Variants in PALM2AKAP2 observed in about 807,000 individuals in gnomAD.
The protein encoded by PALM2AKAP2 is PALM2 and AKAP2 fusion, also known as PALM2-AKAP2 fusion protein.
A neutral mutation model predicts 71.5 loss-of-function variants in PALM2AKAP2; 37 were observed. That is an observed-to-expected ratio of 0.52 (90% CI 0.40 to 0.68). The LOEUF (loss-of-function observed/expected upper bound fraction) is 0.68, where lower values mean the gene tolerates loss of function less well. Among genes scored for constraint, PALM2AKAP2 ranks in the 30% least tolerant of loss-of-function variants. PALM2AKAP2 has a pLI of 0.00. For synonymous variants in PALM2AKAP2, 468 were observed against 478.8 expected, an observed-to-expected ratio of 0.98 and a Z score of 0.29; for missense variants, 1,224 against 1,191.8, an observed-to-expected ratio of 1.03 and a Z score of -0.40.
chr9:109,725,592 C>G (rs1458930439), intron 1 of PALM2AKAP2, among the ~76,000 whole-genome samples: 1 of 152,098 alleles, frequency 6.6e-6, no homozygotes, highest in Non-Finnish European at 1.5e-5. Flanking sequence ...AAGTTGTAAA[C>G]TATCATTAAG....
chr9:109,860,169 G>A (rs774964325), intron 1 of PALM2AKAP2, among the ~76,000 whole-genome samples: 2 of 152,188 alleles, frequency 1.3e-5, no homozygotes, highest in South Asian at 2.1e-4. Context: ...CTGGACAGGC[G>A]ATTGGACAAA....
intron 7 of PALM2AKAP2, among the ~76,000 whole-genome samples, chr9:110,023,296 T>C (rs904989161): frequency 2.1e-5 from 3 of 143,408 alleles, no homozygotes; most frequent in African/African-American, 5.2e-5. Flanking sequence ...TGGTATCTCA[T>C]TGTGGTTTCT....
chr9:109,762,476 A>G (rs911381104), intron 1 of PALM2AKAP2, among the ~76,000 whole-genome samples: 3 of 152,140 alleles, frequency 2.0e-5, no homozygotes, highest in African/African-American at 7.2e-5. Flanking sequence ...GGCAGTATAG[A>G]TATTCACCTT....
At chr9:109,935,012 G>C (rs1275742596) in intron 6 of PALM2AKAP2, among the ~76,000 whole-genome samples, 1 of 152,244 alleles carries the variant, frequency 6.6e-6, no homozygotes, top group African/African-American at 2.4e-5. Context: ...AGGAACCACA[G>C]CAGGAAGTGG....
At position 109,763,587 on chromosome 9, in the gene PALM2AKAP2, G is replaced by C. The variant is rs555879363; in HGVS notation, c.6-16901G>C. On this transcript the variant is annotated intron_variant, in intron 1 of 6. Coordinates refer to the PALM2AKAP2 transcript ENST00000374531. Reference sequence around the variant, plus strand: ...GTTTCCTAGGGATGCTGTAAGACATGACCACTCACTGGGTGGCTTAAAACA... The same window carrying C: ...GTTTCCTAGGGATGCTGTAAGACATCACCACTCACTGGGTGGCTTAAAACA... 2.6e-5 allele frequency among the ~76,000 whole-genome samples: 4 copies of C among 152,304 alleles called. No individual in the cohort carries two copies. The East Asian group carries it at 7.7e-4, about 29-fold the overall frequency.
intron 1 of PALM2AKAP2, among the ~76,000 whole-genome samples, chr9:110,078,357 G>A (rs951266690): frequency 2.6e-5 from 4 of 152,062 alleles, no homozygotes; most frequent in African/African-American, 9.7e-5. Flanking sequence ...GTAGGTATTT[G>A]GTCACTGTTT....
At chr9:109,725,099 A>C (rs1055833894) in intron 1 of PALM2AKAP2, among the ~76,000 whole-genome samples, 1 of 152,206 alleles carries the variant, frequency 6.6e-6, no homozygotes, top group Non-Finnish European at 1.5e-5. Flanking sequence ...CAATCAAAAA[A>C]AAGAAAATTA....
chr9:109,860,828 T>G (rs1445751298), intron 1 of PALM2AKAP2, among the ~76,000 whole-genome samples: 1 of 152,204 alleles, frequency 6.6e-6, no homozygotes, highest in African/African-American at 2.4e-5. Context: ...TTTCTCTGAT[T>G]CTTCATTTCA....
upstream of PALM2AKAP2, among the ~76,000 whole-genome samples, chr9:110,046,998 A>T (rs1462500600): frequency 6.6e-6 from 1 of 152,188 alleles, no homozygotes; most frequent in Non-Finnish European, 1.5e-5. Context: ...CATGATATTA[A>T]AATGTTAAAA....
At chr9:109,981,131 A>G (rs1161881049) in intron 6 of PALM2AKAP2, among the ~76,000 whole-genome samples, 2 of 152,302 alleles carry the variant, frequency 1.3e-5, no homozygotes, top group African/African-American at 4.8e-5. Context: ...GAAATGGAGG[A>G]TAGATTTGTG....
chr9:109,788,042 T>A (rs147281394), intron 1 of PALM2AKAP2, among the ~76,000 whole-genome samples: 148 of 152,362 alleles, frequency 9.7e-4, no homozygotes, highest in African/African-American at 3.4e-3. Flanking sequence ...GGTGCTTATT[T>A]GCGATATCTT....
At chr9:109,877,895 ATCAT>A (rs1829754813) in intron 2 of PALM2AKAP2, among the ~76,000 whole-genome samples, 1 of 152,226 alleles carries the variant, frequency 6.6e-6, no homozygotes, top group Admixed American at 6.5e-5. Flanking sequence ...CAAAGCAATA[ATCAT>A]TCTTCTACTT....
At chr9:109,713,133 G>A (rs866031621) in intron 1 of PALM2AKAP2, among the ~76,000 whole-genome samples, 2 of 152,082 alleles carry the variant, frequency 1.3e-5, no homozygotes, top group African/African-American at 4.8e-5. Context: ...GTGGAGTTTG[G>A]GCCAAATAAT....
At chr9:109,731,443 T>C (rs7866335) in intron 1 of PALM2AKAP2, among the ~76,000 whole-genome samples, 150 of 152,334 alleles carry the variant, frequency 9.8e-4, no homozygotes, top group African/African-American at 3.4e-3. Flanking sequence ...AAACTAGTCA[T>C]GGCTCCAATA....
intron 1 of PALM2AKAP2, among the ~76,000 whole-genome samples, chr9:109,650,557 T>C (rs1429618004): frequency 1.3e-5 from 2 of 152,180 alleles, no homozygotes; most frequent in Non-Finnish European, 2.9e-5. Flanking sequence ...GATGGGACTA[T>C]AGGCATACAC....
intron 1 of PALM2AKAP2, among the ~76,000 whole-genome samples, chr9:110,091,825 A>C (rs1834722440): frequency 6.6e-6 from 1 of 152,166 alleles, no homozygotes; most frequent in South Asian, 2.1e-4. Flanking sequence ...CATCTCTATG[A>C]GTTTAGATAA....
intron 2 of PALM2AKAP2, among the ~76,000 whole-genome samples, chr9:109,878,660 G>A (rs1829770772): frequency 6.9e-6 from 1 of 144,162 alleles, no homozygotes; most frequent in African/African-American, 2.4e-5. Context: ...GGTGTCTACA[G>A]CACCAGATGA....
At chr9:110,043,704 GT>G (rs201224563), upstream of PALM2AKAP2, among the ~76,000 whole-genome samples, 4 of 104,380 alleles carry the variant, frequency 3.8e-5, no homozygotes, top group South Asian at 2.9e-4. Context: ...TGTAAACTAC[GT>G]TTTTTTTGGT....
intron 1 of PALM2AKAP2, among the ~76,000 whole-genome samples, chr9:109,727,035 G>A (rs759073739): frequency 1.3e-5 from 2 of 152,136 alleles, no homozygotes; most frequent in African/African-American, 2.4e-5. Flanking sequence ...ACCACTTTGG[G>A]TTACATGCAT....
Sources: allele counts gnomAD v4.1 joint callset (sites outside exome capture counted in the v4.1 genomes callset), GRCh38; gene constraint gnomAD v4.1.1; transcripts MANE v1.5; gene names NCBI Gene and HGNC (gene_info 2026-07-23, HGNC 2026-07-21).